HDHD5: variants seen among roughly 807,000 people sequenced by gnomAD.
HDHD5 encodes the protein haloacid dehalogenase-like hydrolase domain-containing 5.
A neutral mutation model predicts 35.5 loss-of-function variants in HDHD5; 34 were observed. The observed-to-expected ratio is 0.96, with a 90% CI of 0.73 to 1.28. The LOEUF (loss-of-function observed/expected upper bound fraction) is 1.28. HDHD5 is among the 50% of genes most tolerant of loss of function. The pLI, the probability that HDHD5 is intolerant of heterozygous loss-of-function variation, is 0.00. For missense variants in HDHD5, 589 were observed against 560.2 expected, an observed-to-expected ratio of 1.05 and a Z score of -0.52; for synonymous variants, 248 against 240.6, an observed-to-expected ratio of 1.03 and a Z score of -0.29.
intron 1 of HDHD5, 108 bp downstream of exon 1, chr22:17,159,018 C>G: frequency 9.7e-7 from 1 of 1,034,452 alleles, no homozygotes; most frequent in Non-Finnish European, 1.2e-6. Flanking sequence ...CCAGGCAGTT[C>G]CCAGGAGGCT....
At chr22:17,138,493 G>A (rs2123843348) in intron 7 of HDHD5, 57 bp downstream of exon 7, 2 of 1,573,404 alleles carry the variant, frequency 1.3e-6, no homozygotes, top group South Asian at 2.3e-5. Context: ...GAGAGTAGAG[G>A]AGGAGGGAGA....
upstream of HDHD5, chr22:17,159,697 G>A: frequency 3.3e-6 from 1 of 303,920 alleles, no homozygotes; most frequent in Non-Finnish European, 6.4e-6. Context: ...CCAGTCAAGG[G>A]ACGCTCGTCG....
intron 6 of HDHD5, among the ~76,000 whole-genome samples, chr22:17,140,117 G>A (rs74802893): frequency 0.024 from 3,662 of 152,238 alleles, 62 homozygotes; most frequent in East Asian, 0.053. Context: ...CTACTGAGAC[G>A]GGCCCTGAGG....
chr22:17,147,419 G>A lies in HDHD5; in HGVS notation c.443+1029C>T, dbSNP rs559139757. ...ATCGCACACGCCCCACACCTGCGAC[G>A]CCCTCCTGTGAGCTTACCGGCCTTC... On this transcript the variant is annotated intron_variant, in intron 3 of 7. Transcript: ENST00000336737. 2.5e-3 allele frequency among the ~76,000 whole-genome samples: 277 copies of A among 112,402 alleles called. 14 individuals carry two copies. The highest frequency in any genetic ancestry group is 9.1e-3 in the African/African-American group (258 of 28,488). The allele number at this position is 112,402 out of a possible 152,430, so 73.7% of individuals were successfully genotyped here. A position where few individuals can be genotyped will look rare whatever the true frequency, so the allele number is the denominator to read the frequency against.
chr22:17,163,397 G>A (rs760296545), upstream of HDHD5, among the ~76,000 whole-genome samples: 14 of 152,204 alleles, frequency 9.2e-5, no homozygotes, highest in Non-Finnish European at 1.9e-4. Context: ...GAGTTTGGAT[G>A]TGCATATCTG....
intron 1 of HDHD5, among the ~76,000 whole-genome samples, chr22:17,152,753 G>A (rs988028747): frequency 1.3e-5 from 2 of 152,034 alleles, no homozygotes; most frequent in African/African-American, 4.8e-5. Flanking sequence ...AGAGCGTGTG[G>A]GGTCCAGGAA....
chr22:17,141,430 A>G, intron 5 of HDHD5, 197 bp from the exon 6 acceptor site: 10 of 1,360,534 alleles, frequency 7.4e-6, no homozygotes, highest in Non-Finnish European at 9.4e-6. Context: ...GGGCCCAGGA[A>G]GGAGATTCCT....
intron 1 of HDHD5, among the ~76,000 whole-genome samples, chr22:17,152,501 G>A (rs933483351): frequency 4.6e-5 from 7 of 152,088 alleles, no homozygotes; most frequent in Non-Finnish European, 5.9e-5. Context: ...GGGTGGATGC[G>A]GGTATGAGTC....
intron 3 of HDHD5, among the ~76,000 whole-genome samples, chr22:17,145,590 G>A (rs979041654): frequency 6.6e-6 from 1 of 152,148 alleles, no homozygotes; most frequent in African/African-American, 2.4e-5. Flanking sequence ...TACTCAGGAG[G>A]CTGGGGCAGG....
chr22:17,159,768 A>G (rs2061849273), upstream of HDHD5: 1 of 289,896 alleles, frequency 3.4e-6, no homozygotes, highest in Non-Finnish European at 6.7e-6. Context: ...CCCAGCGCAT[A>G]GGGAGACTGC....
At chr22:17,148,621 G>C in intron 2 of HDHD5, 61 bp from the exon 3 acceptor site, 1 of 1,274,018 alleles carries the variant, frequency 7.8e-7, no homozygotes, top group African/African-American at 1.5e-5. Context: ...GGGAAATAAT[G>C]AGACAGGTGG....
intron 1 of HDHD5, among the ~76,000 whole-genome samples, chr22:17,151,522 G>A (rs1202759688): frequency 6.6e-6 from 1 of 152,086 alleles, no homozygotes; most frequent in Non-Finnish European, 1.5e-5. Context: ...TTGAGGTCAG[G>A]AGTTCAAGAC....
At chr22:17,143,930 T>C (rs2061627990) in intron 4 of HDHD5, among the ~76,000 whole-genome samples, 1 of 152,242 alleles carries the variant, frequency 6.6e-6, no homozygotes, top group African/African-American at 2.4e-5. Context: ...GCAGTCATGC[T>C]GCAGAGGATC....
chr22:17,155,231 C>CTTTT (rs539943001), intron 1 of HDHD5, among the ~76,000 whole-genome samples: 22 of 133,246 alleles, frequency 1.7e-4, no homozygotes, highest in African/African-American at 5.5e-4. Flanking sequence ...ATTTGCTTTC[C>CTTTT]TTTTTTTTTT....
At chr22:17,160,817 C>A (rs1359442882), upstream of HDHD5, among the ~76,000 whole-genome samples, 1 of 152,102 alleles carries the variant, frequency 6.6e-6, no homozygotes, top group African/African-American at 2.4e-5. Flanking sequence ...ACACTTAAAC[C>A]CTGCCAGGGG....
upstream of HDHD5, among the ~76,000 whole-genome samples, chr22:17,163,348 G>C (rs2061874806): frequency 1.3e-5 from 2 of 152,252 alleles, no homozygotes; most frequent in Admixed American, 1.3e-4. Flanking sequence ...GAATCACCTG[G>C]AGGTCTCCTA....
chr22:17,138,261 GCCCC>G lies in HDHD5; in HGVS notation c.1028_1031del (p.Gly343AlafsTer61). On this transcript the variant is annotated frameshift_variant, in exon 8 of 8. Coordinates refer to ENST00000336737, the MANE Select transcript of HDHD5 (RefSeq NM_033070.3). LOFTEE classifies it low-confidence loss of function (END_TRUNC). Reference sequence around the variant, plus strand: ...TTGCTGAGGGCTGTTGCTGCCGTGTGCCCCCGGCCCCTAGTTCTGGCGCCCCATC... The same window carrying G: ...TTGCTGAGGGCTGTTGCTGCCGTGTGCGGCCCCTAGTTCTGGCGCCCCATC... The G allele has an allele frequency of 6.2e-7, 1 of 1,614,168 alleles. No homozygotes were observed. Among genetic ancestry groups the G allele is most frequent in the Non-Finnish European group, 8.5e-7 (1 of 1,180,044 alleles).
At chr22:17,151,482 C>A (rs150182404) in intron 1 of HDHD5, among the ~76,000 whole-genome samples, 244 of 152,250 alleles carry the variant, frequency 1.6e-3, no homozygotes, top group African/African-American at 5.8e-3. Context: ...GTAATCCCAG[C>A]ACTTTGGGAG....
upstream of HDHD5, among the ~76,000 whole-genome samples, chr22:17,160,863 T>G (rs2123885194): frequency 6.6e-6 from 1 of 152,168 alleles, no homozygotes; most frequent in Admixed American, 6.5e-5. Context: ...TCCTAATCCC[T>G]TCCTTCTATT....
Sources: gnomAD v4.1 joint callset for allele counts (sites outside exome capture counted in the v4.1 genomes callset) on GRCh38, gnomAD v4.1.1 for gene constraint, MANE v1.5 for transcripts, NCBI Gene and HGNC (gene_info 2026-07-23, HGNC 2026-07-21) for gene names.